The following PWWP2B variants were observed in gnomAD, a reference collection of about 807,000 sequenced individuals.
The protein encoded by PWWP2B is PWWP domain containing 2B, also known as PWWP domain-containing protein 2B.
PWWP2B carries 9 observed loss-of-function variants against 15.5 expected under a neutral mutation model. That is an observed-to-expected ratio of 0.58 (90% CI 0.35 to 1.02). PWWP2B has a LOEUF of 1.02. PWWP2B is among the 50% of genes least tolerant of loss of function. The pLI is 0.02. For missense variants in PWWP2B, 864 were observed against 865.3 expected (o/e 1.00, Z 0.02); for synonymous variants, 474 against 403.6 (o/e 1.17, Z -2.09).
At chr10:132,403,000 G>A (rs974577821) in intron 1 of PWWP2B, among the ~76,000 whole-genome samples, 2 of 152,250 alleles carry the variant, frequency 1.3e-5, no homozygotes, top group Non-Finnish European at 2.9e-5. Context: ...GCCCGGGACT[G>A]GCCTCCCTTT....
At chr10:132,410,083 A>T (rs2069757528) in intron 2 of PWWP2B, among the ~76,000 whole-genome samples, 1 of 152,210 alleles carries the variant, frequency 6.6e-6, no homozygotes, top group East Asian at 1.9e-4. Context: ...ATGAAACTTT[A>T]AAAAAATCTG....
At chr10:132,411,684 C>CCGGCACTGGAGTGCTGAGT (rs1371856433) in intron 2 of PWWP2B, among the ~76,000 whole-genome samples, 1 of 152,212 alleles carries the variant, frequency 6.6e-6, no homozygotes, top group African/African-American at 2.4e-5. Context: ...AGGAAGCTGC[C>CCGGCACTGGAGTGCTGAGT]CGGCACTGGA....
Position 132,417,190 on chromosome 10 carries a change from G to C in PWWP2B, c.*146G>C. 1 of 1,217,830 alleles carries C rather than the reference G, an allele frequency of 8.2e-7. No individual in the cohort carries two copies. The allele number at this position is 1,217,830 out of a possible 1,614,324, so 75.4% of individuals were successfully genotyped here. On this transcript the variant is annotated 3_prime_UTR_variant, in exon 3 of 3. Transcript: ENST00000305233. ...TGGTCGGCCTGGTGTGAGGCCCCCCGGGGACCGGCAGTGTGTCCAGGGAGG... is the reference window on the plus strand; with the variant it reads ...TGGTCGGCCTGGTGTGAGGCCCCCCCGGGACCGGCAGTGTGTCCAGGGAGG...
At chr10:132,398,663 G>A (rs965157149) in intron 1 of PWWP2B, among the ~76,000 whole-genome samples, 2 of 152,078 alleles carry the variant, frequency 1.3e-5, no homozygotes, top group Middle Eastern at 3.4e-3. Context: ...GAGGCCCATG[G>A]CTAACCTGGT....
chr10:132,402,387 C>A (rs574042264), intron 1 of PWWP2B, among the ~76,000 whole-genome samples: 1 of 152,252 alleles, frequency 6.6e-6, no homozygotes, highest in East Asian at 1.9e-4. Context: ...TTGCCAACAT[C>A]CCCTCATTTG....
rs1242357196 is a variant in PWWP2B at position 132,417,303 on chromosome 10, G to A, written c.*259G>A. The A allele has an allele frequency of 1.1e-5, 6 of 554,138 alleles. No homozygotes were observed. The highest frequency in any genetic ancestry group is 6.7e-5 in the Admixed American group (2 of 30,070). The allele number at this position is 554,138 out of a possible 1,614,324, so 34.3% of individuals were successfully genotyped here. On this transcript the variant is annotated 3_prime_UTR_variant, in exon 3 of 3. Transcript: ENST00000305233. ...GGCTGCCCTGGCTCACGAGGCAGTC[G>A]GGACTCGTGACTTGCTGGCTGCTGG...
chr10:132,401,829 G>A (rs1347392619), intron 1 of PWWP2B, among the ~76,000 whole-genome samples: 1 of 152,246 alleles, frequency 6.6e-6, no homozygotes, highest in East Asian at 1.9e-4. Flanking sequence ...AGGAGGGCAG[G>A]AGCCGAGGTC....
At position 132,417,347 on chromosome 10, in the gene PWWP2B, C is replaced by T. The variant is rs2069874734; in HGVS notation, c.*303C>T. On this transcript the variant is annotated 3_prime_UTR_variant, in exon 3 of 3. Coordinates refer to ENST00000305233, the MANE Select transcript of PWWP2B (RefSeq NM_138499.4). ...CTGCTGGCTGCTGCTGCCTCGCGCG[C>T]TGGGGTTCCATGGAGGAACTGGGCC... 1.9e-6 allele frequency: 1 copy of T among 514,264 alleles called. No homozygotes were observed. The highest frequency in any genetic ancestry group is 3.5e-6 in the Non-Finnish European group (1 of 288,298). 31.9% of individuals were successfully genotyped at this position (514,264 alleles called of 1,614,324 possible). A position where few individuals can be genotyped will look rare whatever the true frequency, so the allele number is the denominator to read the frequency against.
At chr10:132,397,522 G>C (rs1340179563) in intron 1 of PWWP2B, among the ~76,000 whole-genome samples, 171 bp downstream of exon 1, 3 of 151,130 alleles carry the variant, frequency 2.0e-5, no homozygotes, top group East Asian at 2.0e-4. Flanking sequence ...CGCCACTCGG[G>C]GGGGCAAAAG....
At chr10:132,410,862 C>A (rs1364666938) in intron 2 of PWWP2B, among the ~76,000 whole-genome samples, 2 of 152,214 alleles carry the variant, frequency 1.3e-5, no homozygotes, top group Non-Finnish European at 2.9e-5. Context: ...TTCACAGCTT[C>A]CAGACAGTGC....
In PWWP2B at chr10:132,413,362, G is replaced by C. The variant is rs559240525; in HGVS notation, c.*17-3699G>C. Among the ~76,000 whole-genome samples the C allele has an allele frequency of 7.6e-4, 116 of 152,074 alleles. 1 individual carries two copies. Among genetic ancestry groups the C allele is most frequent in the Admixed American group, 1.7e-3 (26 of 15,278 alleles). ...ATAGTTTCGGAAGAAAAGGACCCTA[G>C]CACCTCCCACCAAGGAGGGTGCCCG... On this transcript the variant is annotated intron_variant, in intron 2 of 2. Transcript: ENST00000305233.
At chr10:132,403,990 C>CGTAGGACGGCATTCTCCAGGGCTCCT in intron 1 of PWWP2B, among the ~76,000 whole-genome samples, 1 of 85,846 alleles carries the variant, frequency 1.2e-5, no homozygotes, top group South Asian at 2.7e-4. Context: ...ACCCTGCTCC[C>CGTAGGACGGCATTCTCCAGGGCTCCT]GTAGGACGGC....
chr10:132,409,539 C>T (rs900848567), intron 2 of PWWP2B, among the ~76,000 whole-genome samples: 1 of 152,200 alleles, frequency 6.6e-6, no homozygotes, highest in Non-Finnish European at 1.5e-5. Flanking sequence ...AAGGCAGCTC[C>T]TCCCCAGGGT....
intron 2 of PWWP2B, among the ~76,000 whole-genome samples, chr10:132,415,953 C>T (rs1051592403): frequency 8.5e-5 from 13 of 152,368 alleles, no homozygotes; most frequent in African/African-American, 2.6e-4. Context: ...CATGCTCACA[C>T]ACACATCCAC....
intron 2 of PWWP2B, among the ~76,000 whole-genome samples, chr10:132,413,504 G>T (rs894941916): frequency 1.3e-5 from 2 of 152,180 alleles, no homozygotes; most frequent in African/African-American, 4.8e-5. Flanking sequence ...GCAAAGTCAT[G>T]ACCTCAGAAC....
In PWWP2B at chr10:132,417,315, T is replaced by TTGCTGGC. The variant is rs896899948; in HGVS notation, c.*284_*290dup. On this transcript the variant is annotated 3_prime_UTR_variant, in exon 3 of 3. Coordinates refer to ENST00000305233, the MANE Select transcript of PWWP2B (RefSeq NM_138499.4). ...TCACGAGGCAGTCGGGACTCGTGAC[T>TTGCTGGC]TGCTGGCTGCTGGCTGCTGCTGCCT... 8.7e-4 allele frequency: 461 copies of TTGCTGGC among 531,534 alleles called. No individual in the cohort carries two copies. The highest frequency in any genetic ancestry group is 1.4e-3 in the Non-Finnish European group (413 of 299,226). 32.9% of individuals were successfully genotyped at this position (531,534 alleles called of 1,614,324 possible).
At chr10:132,412,636 C>G (rs950670781) in intron 2 of PWWP2B, among the ~76,000 whole-genome samples, 2 of 152,252 alleles carry the variant, frequency 1.3e-5, no homozygotes, top group African/African-American at 2.4e-5. Flanking sequence ...AAGATTTGCT[C>G]TTTCAGGAGG....
intron 1 of PWWP2B, among the ~76,000 whole-genome samples, chr10:132,398,922 C>T (rs577856032): frequency 6.8e-6 from 1 of 147,084 alleles, no homozygotes; most frequent in East Asian, 2.0e-4. Flanking sequence ...GGCTCCCCGA[C>T]CCCCAGTCCT....
At position 132,415,248 on chromosome 10, in the gene PWWP2B, TCA is replaced by T. The variant is rs534597030; in HGVS notation, c.*17-1803_*17-1802del. On this transcript the variant is annotated intron_variant, in intron 2 of 2. Transcript: ENST00000305233. The stretch of plus-strand genomic sequence containing the variant: ...CCCACTCACACTCACACACATCCAC[TCA>T]CACACACACCCGCTCACACATTCAC... Among the ~76,000 whole-genome samples the T allele has an allele frequency of 1.4e-3, 205 of 142,960 alleles. 1 individual carries two copies. The highest frequency in any genetic ancestry group is 2.7e-3 in the Non-Finnish European group (175 of 64,740). The allele number at this position is 142,960 out of a possible 152,430, so 93.8% of individuals were successfully genotyped here. A position where few individuals can be genotyped will look rare whatever the true frequency, so the allele number is the denominator to read the frequency against.
Sources: allele counts gnomAD v4.1 joint callset (sites outside exome capture counted in the v4.1 genomes callset), GRCh38; gene constraint gnomAD v4.1.1; transcripts MANE v1.5; gene names NCBI Gene and HGNC (gene_info 2026-07-23, HGNC 2026-07-21).